The following GCN1 variants were observed in gnomAD, a reference collection of about 807,000 sequenced individuals.
The protein encoded by GCN1 is stalled ribosome sensor GCN1.
In GCN1, 90 loss-of-function variants were observed where a neutral mutation model predicts 288.4. The ratio of observed to expected loss-of-function variants is 0.31; its 90% CI spans 0.26 to 0.37. The LOEUF is 0.37. GCN1 is among the 10% of genes least tolerant of loss of function. The pLI is 1.00. For synonymous variants in GCN1, 1,386 were observed against 1,420.2 expected (o/e 0.98, Z 0.54); for missense variants, 2,586 against 3,419.9 (o/e 0.76, Z 6.08).
intron 7 of GCN1, 171 bp from the exon 8 acceptor site, chr12:120,177,923 C>T: frequency 3.2e-6 from 2 of 624,812 alleles, no homozygotes; most frequent in South Asian, 1.8e-5. Flanking sequence ...AACCCTTCCA[C>T]AGCTTTCCAT....
chr12:120,187,600 C>CT (rs202213655), intron 2 of GCN1, among the ~76,000 whole-genome samples: 10 of 148,926 alleles, frequency 6.7e-5, no homozygotes, highest in African/African-American at 9.8e-5. Flanking sequence ...TGTGCCCAAA[C>CT]TTTTTTTTTT....
chr12:120,158,430 T>G lies in GCN1; in HGVS notation c.2905+30A>C, dbSNP rs943757485. 3.9e-6 allele frequency: 6 copies of G among 1,522,538 alleles called. No homozygotes were observed. In the African/African-American group the frequency reaches 5.5e-5, roughly 14 times the overall value. The allele number at this position is 1,522,538 out of a possible 1,614,324, so 94.3% of individuals were successfully genotyped here. ...ATTCCTGGCACCAGCTCACACCGCC[T>G]GGTGCCCCTGATCCCGTCCCAGCCC... On this transcript the variant is annotated intron_variant, in intron 25 of 57. Coordinates refer to ENST00000300648, the MANE Select transcript of GCN1 (RefSeq NM_006836.2). The surrounding 1 kb of genome is among the most constrained non-coding windows in gnomAD (Gnocchi z 4.3).
chr12:120,173,971 G>A (rs1878389512), intron 13 of GCN1, 100 bp downstream of exon 13: 5 of 1,003,586 alleles, frequency 5.0e-6, no homozygotes, highest in Non-Finnish European at 7.8e-6. Context: ...TGAGGGAGGT[G>A]TGTCTTTAGG....
At chr12:120,140,643 T>A (rs1242532167) in intron 45 of GCN1, among the ~76,000 whole-genome samples, 1 of 152,116 alleles carries the variant, frequency 6.6e-6, no homozygotes, top group Non-Finnish European at 1.5e-5. Context: ...GGCATCCAAA[T>A]CACTTAGCTC....
In GCN1 at chr12:120,131,329, G is replaced by T; in HGVS notation, c.7419C>A (p.Asp2473Glu). The change falls in exon 55 of 58, where the codon GAC becomes GAA. Residue 2473 changes from aspartate to glutamate, a missense_variant. By Grantham distance (45) the Asp-to-Glu change is conservative (BLOSUM62 2). Transcript: ENST00000300648. Reference protein sequence around the residue: ...SAVLQQCLLADVSGIDWMVRH... With the variant: ...SAVLQQCLLAEVSGIDWMVRH... Reference sequence around the variant, plus strand: ...GAACCATCCAGTCAATGCCGGACACGTCCGCTGGGTGGAAGGACACGACTG... The same window carrying T: ...GAACCATCCAGTCAATGCCGGACACTTCCGCTGGGTGGAAGGACACGACTG... The T allele has an allele frequency of 6.2e-7, 1 of 1,613,806 alleles. No individual in the cohort carries two copies.
chr12:120,184,752 G>T, intron 3 of GCN1, 72 bp downstream of exon 3: 1 of 1,117,552 alleles, frequency 8.9e-7, no homozygotes. Flanking sequence ...TCTAATCTGG[G>T]CTCTAACCAC....
chr12:120,152,457 C>T (rs1371393557), intron 33 of GCN1, among the ~76,000 whole-genome samples: 4 of 126,822 alleles, frequency 3.2e-5, no homozygotes, highest in Non-Finnish European at 4.7e-5. Flanking sequence ...TATATACATG[C>T]GTGTTTTTCA....
At chr12:120,128,839 T>TTTA (rs1876709010) in intron 57 of GCN1, among the ~76,000 whole-genome samples, 1 of 135,212 alleles carries the variant, frequency 7.4e-6, no homozygotes, top group Non-Finnish European at 1.6e-5. Flanking sequence ...ACCCAAATCT[T>TTTA]TTTTTTTTTT....
intron 16 of GCN1, among the ~76,000 whole-genome samples, chr12:120,165,919 G>A (rs1305383369): frequency 1.3e-5 from 2 of 151,974 alleles, no homozygotes; most frequent in East Asian, 2.0e-4. Flanking sequence ...AGCCTCCCGA[G>A]TAGCTGGGAT....
In GCN1 at chr12:120,134,844, C is replaced by G. The variant is rs961570348; in HGVS notation, c.7009-118G>C. The G allele has an allele frequency of 4.7e-6, 4 of 855,506 alleles. No individual in the cohort carries two copies. The highest frequency in any genetic ancestry group is 7.6e-6 in the Non-Finnish European group (4 of 529,726). The allele number at this position is 855,506 out of a possible 1,614,324, so 53.0% of individuals were successfully genotyped here. A position where few individuals can be genotyped will look rare whatever the true frequency, so the allele number is the denominator to read the frequency against. On this transcript the variant is annotated intron_variant, in intron 51 of 57. Coordinates refer to ENST00000300648, the MANE Select transcript of GCN1 (RefSeq NM_006836.2). The surrounding 1 kb of genome is among the most constrained non-coding windows in gnomAD (Gnocchi z 5.0). ...CACCACAGCGAGTCCAGCTCTCATACAGGGCTGGGGACAGATAGCCCGTCA... is the reference window on the plus strand; with the variant it reads ...CACCACAGCGAGTCCAGCTCTCATAGAGGGCTGGGGACAGATAGCCCGTCA...
chr12:120,133,064 A>T (rs1332827647), intron 53 of GCN1, among the ~76,000 whole-genome samples: 4 of 152,268 alleles, frequency 2.6e-5, no homozygotes, highest in Non-Finnish European at 4.4e-5. Flanking sequence ...CCAAGACAGC[A>T]GACTTTCCTG....
chr12:120,165,000 TATACAC>T (rs1380821835), intron 16 of GCN1, among the ~76,000 whole-genome samples: 685 of 62,384 alleles, frequency 0.011, 4 homozygotes, highest in African/African-American at 0.033. Flanking sequence ...TATACACATA[TATACAC>T]ACACACACAC....
chr12:120,169,792 A>G (rs996594867), intron 15 of GCN1, among the ~76,000 whole-genome samples: 2 of 152,236 alleles, frequency 1.3e-5, no homozygotes, highest in African/African-American at 4.8e-5. Context: ...CCGTTTACAG[A>G]GGGAAACTTA....
chr12:120,159,979 G>A lies in GCN1; in HGVS notation c.2595C>T (p.Ile865=). Residue 865 remains isoleucine, a synonymous_variant, in exon 24 of 58, where the codon ATC becomes ATT. Transcript: ENST00000300648. ...LEAALGLLDI[I]LAKNPSGLTQ... ...TCAGGCCGGACGGGTTCTTGGCCAGGATGATGTCCAGCAGTCCAAGCGCCG... is the reference window on the plus strand; with the variant it reads ...TCAGGCCGGACGGGTTCTTGGCCAGAATGATGTCCAGCAGTCCAAGCGCCG... 1.2e-6 allele frequency: 2 copies of A among 1,614,174 alleles called. No homozygotes were observed. The highest frequency in any genetic ancestry group is 1.1e-5 in the South Asian group (1 of 91,080).
intron 15 of GCN1, among the ~76,000 whole-genome samples, chr12:120,169,276 C>CAAAAAAAAAAAAAAAAAAGAAA (rs1878234989): frequency 1.5e-5 from 1 of 66,674 alleles, no homozygotes; most frequent in African/African-American, 6.6e-5. Context: ...AACTCCGTCT[C>CAAAAAAAAAAAAAAAAAAGAAA]AAAAAAAAAA....
At chr12:120,131,087 T>C (rs575687060) in intron 55 of GCN1, 98 bp downstream of exon 55, 1 of 1,078,984 alleles carries the variant, frequency 9.3e-7, no homozygotes, top group African/African-American at 1.6e-5. Flanking sequence ...AGACCCAAGC[T>C]TCTTAAGCCC....
chr12:120,178,606 ACT>A lies in GCN1; in HGVS notation c.660+17_660+18del. ...TCCCCAACATAGCAAACCCACAGTC[ACT>A]CTGCCTTGGCACTTGCCTTGTGCTG... On this transcript the variant is annotated intron_variant, in intron 7 of 57. Transcript: ENST00000300648. The A allele has an allele frequency of 6.2e-7, 1 of 1,613,708 alleles. No individual in the cohort carries two copies. Among genetic ancestry groups the A allele is most frequent in the Non-Finnish European group, 8.5e-7 (1 of 1,179,762 alleles).
chr12:120,191,446 G>A (rs1879000580), intron 1 of GCN1, among the ~76,000 whole-genome samples: 3 of 152,178 alleles, frequency 2.0e-5, no homozygotes, highest in Admixed American at 2.0e-4. Flanking sequence ...GACAGGTTGT[G>A]GATTCATAAG....
chr12:120,177,061 T>C (rs1594285399), intron 9 of GCN1, among the ~76,000 whole-genome samples: 1 of 152,156 alleles, frequency 6.6e-6, no homozygotes, highest in East Asian at 1.9e-4. Context: ...CCACCGCGCC[T>C]GGCCTCTTGT....
Sources: gnomAD v4.1 joint callset for allele counts (sites outside exome capture counted in the v4.1 genomes callset) on GRCh38, gnomAD v4.1.1 for gene constraint, Gnocchi (gnomAD v3.1) non-coding constraint, MANE v1.5 for transcripts, NCBI Gene and HGNC (gene_info 2026-07-23, HGNC 2026-07-21) for gene names.